ZFPM1: variants seen among roughly 807,000 people sequenced by gnomAD.
The protein encoded by ZFPM1 is zinc finger protein, FOG family member 1, also known as zinc finger protein ZFPM1.
A neutral mutation model predicts 46.3 loss-of-function variants in ZFPM1; 28 were observed. That is an observed-to-expected ratio of 0.60 (90% CI 0.45 to 0.83). ZFPM1 has a LOEUF of 0.83. Ranked by LOEUF, ZFPM1 falls within the 40% of genes least tolerant of loss-of-function variation. ZFPM1 has a pLI of 0.00. For missense variants in ZFPM1, 1,878 were observed against 1,432.4 expected (o/e 1.31, Z -5.02); for synonymous variants, 957 against 675.9 (o/e 1.42, Z -6.45).
chr16:88,524,672 T>G (rs1441368657), intron 4 of ZFPM1, among the ~76,000 whole-genome samples: 2 of 152,230 alleles, frequency 1.3e-5, no homozygotes, highest in African/African-American at 4.8e-5. Context: ...GCAAAAAGCT[T>G]CACACAGATC....
At chr16:88,481,182 G>A (rs1226695694) in intron 1 of ZFPM1, among the ~76,000 whole-genome samples, 3 of 152,350 alleles carry the variant, frequency 2.0e-5, no homozygotes. Flanking sequence ...GGGCACCACA[G>A]GGGCTGAGCC....
At chr16:88,472,732 A>G (rs1908484254) in intron 1 of ZFPM1, among the ~76,000 whole-genome samples, 1 of 152,242 alleles carries the variant, frequency 6.6e-6, no homozygotes, top group Admixed American at 6.5e-5. Flanking sequence ...CTCAGGACAC[A>G]AGTGCATTCG....
In ZFPM1 at chr16:88,488,812, T is replaced by A. The variant is rs114460701; in HGVS notation, c.146-219T>A. On this transcript the variant is annotated intron_variant, in intron 2 of 9. Coordinates refer to ENST00000319555, the MANE Select transcript of ZFPM1 (RefSeq NM_153813.3). The stretch of plus-strand genomic sequence containing the variant: ...AACAGCAGCTGGAATAACAATTATC[T>A]TTGAAGCAATTAATGAGGGGAGAGG... Among the ~76,000 whole-genome samples, 1,059 of 152,290 alleles carry A rather than the reference T, an allele frequency of 7.0e-3. 9 individuals are homozygous for A. The highest frequency in any genetic ancestry group is 0.024 in the African/African-American group (992 of 41,558).
Position 88,534,156 on chromosome 16 carries a change from C to T in ZFPM1, c.2198C>T (p.Ser733Phe). The T allele has an allele frequency of 1.0e-6, 1 of 1,001,926 alleles. No homozygotes were observed. The highest frequency in any genetic ancestry group is 1.2e-6 in the Non-Finnish European group (1 of 844,068). The allele number at this position is 1,001,926 out of a possible 1,614,324, so 62.1% of individuals were successfully genotyped here. A position where few individuals can be genotyped will look rare whatever the true frequency, so the allele number is the denominator to read the frequency against. ...PPGPAAPPAP[S>F]PAAPVRTRRR... ...GGGCCGGCCGCGCCCCCGGCCCCCT[C>T]TCCCGCCGCGCCTGTGCGCACGCGC... The change falls in exon 10 of 10, where the codon TCT becomes TTT. Residue 733 changes from serine to phenylalanine, a missense_variant. Ser to Phe is a radical substitution (Grantham distance 155). Transcript: ENST00000319555.
At chr16:88,498,193 G>A (rs368108614) in intron 3 of ZFPM1, among the ~76,000 whole-genome samples, 2 of 152,108 alleles carry the variant, frequency 1.3e-5, no homozygotes, top group East Asian at 1.9e-4. Flanking sequence ...CACCTGGGGG[G>A]TCCCCAGAGG....
In ZFPM1 at chr16:88,526,060, AG is replaced by A. The variant is rs566589259; in HGVS notation, c.403-748del. On this transcript the variant is annotated intron_variant, in intron 4 of 9. Transcript: ENST00000319555. Reference sequence around the variant, plus strand: ...TGCTTTCCAGGGTGACAGTGAGGCCAGGGGGGCCAGGGCCGATCCAACACAG... The same window carrying A: ...TGCTTTCCAGGGTGACAGTGAGGCCAGGGGGCCAGGGCCGATCCAACACAG... Among the ~76,000 whole-genome samples, 347 of 152,286 alleles carry A rather than the reference AG, an allele frequency of 2.3e-3. 4 individuals carry two copies. Among genetic ancestry groups the A allele is most frequent in the Non-Finnish European group, 5.0e-4 (34 of 68,016 alleles).
chr16:88,519,129 G>GAT (rs1911601666), intron 4 of ZFPM1, among the ~76,000 whole-genome samples: 5 of 147,516 alleles, frequency 3.4e-5, no homozygotes, highest in Non-Finnish European at 6.0e-5. Context: ...TGGATGGATG[G>GAT]GTGGATGGAT....
At position 88,533,456 on chromosome 16, in the gene ZFPM1, G is replaced by T. The variant is rs1912972761; in HGVS notation, c.1498G>T (p.Val500Phe). 4.2e-6 allele frequency: 6 copies of T among 1,437,664 alleles called. No homozygotes were observed. Among genetic ancestry groups the T allele is most frequent in the Non-Finnish European group, 5.4e-6 (6 of 1,104,216 alleles). The allele number at this position is 1,437,664 out of a possible 1,614,324, so 89.1% of individuals were successfully genotyped here. A position where few individuals can be genotyped will look rare whatever the true frequency, so the allele number is the denominator to read the frequency against. Residue 500 changes from valine (V) to phenylalanine (F), a missense_variant, in exon 10 of 10, where the codon GTC becomes TTC. Val to Phe is a conservative substitution (Grantham distance 50). Coordinates refer to ENST00000319555, the MANE Select transcript of ZFPM1 (RefSeq NM_153813.3). ...PSPRSPAPARVKAELSSPTPG... is the reference protein window; with the variant it reads ...PSPRSPAPARFKAELSSPTPG... Reference sequence around the variant, plus strand: ...GCCGCGCAGCCCCGCCCCGGCCAGGGTCAAGGCCGAGCTGTCCAGCCCCAC... The same window carrying T: ...GCCGCGCAGCCCCGCCCCGGCCAGGTTCAAGGCCGAGCTGTCCAGCCCCAC...
intron 7 of ZFPM1, 152 bp downstream of exon 7, chr16:88,532,387 C>T (rs1912858626): frequency 3.2e-6 from 3 of 934,558 alleles, no homozygotes; most frequent in Non-Finnish European, 4.7e-6. Context: ...CGCAGGGGCC[C>T]AGAGCAGGCA....
At chr16:88,459,124 G>T (rs1293007036) in intron 1 of ZFPM1, among the ~76,000 whole-genome samples, 1 of 152,158 alleles carries the variant, frequency 6.6e-6, no homozygotes, top group Non-Finnish European at 1.5e-5. Context: ...CCTGGAATTT[G>T]CCTGTGTGCA....
Position 88,488,605 on chromosome 16 carries a change from C to T in ZFPM1, c.146-426C>T, listed in dbSNP as rs538777897. On this transcript the variant is annotated intron_variant, in intron 2 of 9. Transcript: ENST00000319555. The stretch of plus-strand genomic sequence containing the variant: ...GTGGGGGGGCTTTATGGGATCGCAT[C>T]GATCGGGGCCGAGGTGGTTATCAGG... Among the ~76,000 whole-genome samples, 25 of 152,082 alleles carry T rather than the reference C, an allele frequency of 1.6e-4. No individual in the cohort carries two copies. The South Asian group carries it at 3.7e-3, about 23-fold the overall frequency.
Position 88,532,727 on chromosome 16 carries a change from C to CG in ZFPM1, c.1042+24dup. ...GCTGAGCGGTAGGCACCGCAGGGGC[C>CG]GGGGGGTGTGTGGGTCCCGCCTCCC... On this transcript the variant is annotated intron_variant, in intron 8 of 9. Coordinates refer to ENST00000319555, the MANE Select transcript of ZFPM1 (RefSeq NM_153813.3). 10 of 1,612,290 alleles carry CG rather than the reference C, an allele frequency of 6.2e-6. No homozygotes were observed. Among genetic ancestry groups the CG allele is most frequent in the Middle Eastern group, 1.6e-4 (1 of 6,062 alleles).
intron 3 of ZFPM1, among the ~76,000 whole-genome samples, chr16:88,507,473 G>A (rs1314580224): frequency 4.6e-5 from 7 of 152,330 alleles, no homozygotes; most frequent in Admixed American, 2.0e-4. Flanking sequence ...ACTGACTAGT[G>A]CCCCATGGCT....
chr16:88,455,132 GGTGTGTGTGTGTGTGTGTGTGTGTGTGT>G, intron 1 of ZFPM1, among the ~76,000 whole-genome samples: 1 of 141,770 alleles, frequency 7.1e-6, no homozygotes, highest in African/African-American at 2.7e-5. Context: ...TCGGTTCTGG[GGTGTGTGTGTGTGTGTGTGTGTGTGTGT>G]GTGTGTGTGT....
At chr16:88,485,824 C>T (rs566187630) in intron 1 of ZFPM1, 115 bp from the exon 2 acceptor site, 27 of 894,920 alleles carry the variant, frequency 3.0e-5, no homozygotes, top group Admixed American at 1.3e-4. Flanking sequence ...CCCTCACCCC[C>T]ACCCATTGCC....
chr16:88,461,916 C>T (rs955830250), intron 1 of ZFPM1, among the ~76,000 whole-genome samples: 1 of 152,342 alleles, frequency 6.6e-6, no homozygotes, highest in Non-Finnish European at 1.5e-5. Context: ...GGTTATGTGA[C>T]GTGGGAGCTG....
chr16:88,516,802 AG>A (rs1304824418), intron 4 of ZFPM1, among the ~76,000 whole-genome samples: 1 of 152,086 alleles, frequency 6.6e-6, no homozygotes, highest in African/African-American at 2.4e-5. Context: ...TCTTTGTAGA[AG>A]GAGAAGGGGG....
At chr16:88,456,709 G>A (rs934186306) in intron 1 of ZFPM1, among the ~76,000 whole-genome samples, 1 of 152,226 alleles carries the variant, frequency 6.6e-6, no homozygotes, top group African/African-American at 2.4e-5. Flanking sequence ...GCCAGCCTGT[G>A]CCAGCAGGTG....
In ZFPM1 at chr16:88,533,536, T is replaced by C. The variant is rs770612686; in HGVS notation, c.1578T>C (p.Leu526=). The change falls in exon 10 of 10, where the codon CTT becomes CTC. Residue 526 remains leucine (L), a synonymous_variant. Transcript: ENST00000319555. ...TGGGCCTGGCCGGGGCCCTGTTCCT[T>C]CCGCAGTACGTGTTCGGGCCCGACG... The part of the protein sequence containing the change: ...GELGLAGALF[L]PQYVFGPDAA... 6.8e-7 allele frequency: 1 copy of C among 1,461,306 alleles called. No individual in the cohort carries two copies. Among genetic ancestry groups the C allele is most frequent in the Non-Finnish European group, 9.0e-7 (1 of 1,109,214 alleles). 90.5% of individuals were successfully genotyped at this position (1,461,306 alleles called of 1,614,324 possible). A position where few individuals can be genotyped will look rare whatever the true frequency, so the allele number is the denominator to read the frequency against.
Sources: allele counts gnomAD v4.1 joint callset (sites outside exome capture counted in the v4.1 genomes callset), GRCh38; gene constraint gnomAD v4.1.1; transcripts MANE v1.5; gene names NCBI Gene and HGNC (gene_info 2026-07-23, HGNC 2026-07-21).